The following MICAL2 variants were observed in gnomAD, a reference collection of about 807,000 sequenced individuals.
The protein encoded by MICAL2 is microtubule associated monooxygenase, calponin and LIM domain containing 2, also known as [F-actin]-monooxygenase MICAL2.
Under a neutral mutation model 127.3 loss-of-function variants are expected in MICAL2, and 77 were observed. That is an observed-to-expected ratio of 0.60 (90% CI 0.50 to 0.73). The LOEUF is 0.73. Among genes scored for constraint, MICAL2 ranks in the 30% least tolerant of loss-of-function variants. MICAL2 has a pLI of 0.00. For missense variants in MICAL2, 1,351 were observed against 1,434.4 expected, an observed-to-expected ratio of 0.94 and a Z score of 0.94; for synonymous variants, 570 against 551.1, an observed-to-expected ratio of 1.03 and a Z score of -0.48.
chr11:12,350,763 G>A (rs568271977), intron 33 of MICAL2, among the ~76,000 whole-genome samples: 1 of 152,284 alleles, frequency 6.6e-6, no homozygotes, highest in Non-Finnish European at 1.5e-5. Flanking sequence ...GCCCAGATTA[G>A]CTTGCTACCT....
intron 29 of MICAL2, among the ~76,000 whole-genome samples, chr11:12,299,034 T>C (rs1037844695): frequency 5.9e-5 from 9 of 152,256 alleles, no homozygotes; most frequent in Non-Finnish European, 1.2e-4. Context: ...AAATATATTT[T>C]CCTGGCTTGC....
chr11:12,321,215 T>A (rs943162183), intron 30 of MICAL2, among the ~76,000 whole-genome samples: 4 of 152,176 alleles, frequency 2.6e-5, no homozygotes, highest in African/African-American at 9.7e-5. Context: ...CCGCTTCACC[T>A]GGCTTCTGAC....
downstream of MICAL2, among the ~76,000 whole-genome samples, chr11:12,264,910 G>A (rs1164080729): frequency 1.3e-5 from 2 of 152,190 alleles, no homozygotes; most frequent in African/African-American, 4.8e-5. Flanking sequence ...CCTTAGAGAT[G>A]TGGCTCAGTA....
At chr11:12,226,994 C>CA in intron 14 of MICAL2, 31 bp from the exon 15 acceptor site, 1 of 1,559,658 alleles carries the variant, frequency 6.4e-7, no homozygotes, top group Non-Finnish European at 8.8e-7. Flanking sequence ...AGCCAGGTTC[C>CA]AAATCACAGT....
At chr11:12,278,953 A>C (rs971560219) in intron 1 of MICAL2, among the ~76,000 whole-genome samples, 21 of 152,288 alleles carry the variant, frequency 1.4e-4, no homozygotes, top group African/African-American at 5.1e-4. Flanking sequence ...GTGTTCTGGG[A>C]GGCAGGGCTG....
At chr11:12,328,927 G>A (rs1864383605) in intron 32 of MICAL2, among the ~76,000 whole-genome samples, 1 of 149,900 alleles carries the variant, frequency 6.7e-6, no homozygotes, top group East Asian at 2.0e-4. Flanking sequence ...CCAAGTAAGG[G>A]GTCCTGAGGT....
intron 29 of MICAL2, among the ~76,000 whole-genome samples, chr11:12,311,436 G>A (rs913325665): frequency 4.7e-5 from 7 of 148,006 alleles, no homozygotes; most frequent in Non-Finnish European, 7.4e-5. Flanking sequence ...TTTTGAGACA[G>A]AGTCTTGCTC....
chr11:12,119,476 C>T (rs1469746277), intron 1 of MICAL2, among the ~76,000 whole-genome samples: 1 of 152,194 alleles, frequency 6.6e-6, no homozygotes. Flanking sequence ...TTAAATTCAG[C>T]AGACAGTTGT....
At chr11:12,347,352 G>T (rs890478046) in intron 32 of MICAL2, among the ~76,000 whole-genome samples, 3 of 152,150 alleles carry the variant, frequency 2.0e-5, no homozygotes, top group Admixed American at 2.0e-4. Flanking sequence ...GATCCAAAGA[G>T]TATCTAATGA....
downstream of MICAL2, chr11:12,287,362 G>A (rs527605836): frequency 1.4e-4 from 51 of 374,796 alleles, no homozygotes; most frequent in African/African-American, 1.0e-3. Flanking sequence ...AGGGACTCAA[G>A]ATCTTCCCAT....
exon 33 of MICAL2, chr11:12,349,859 C>T: frequency 6.2e-7 from 1 of 1,614,088 alleles, no homozygotes; most frequent in Non-Finnish European, 8.5e-7. Context: ...CAGGATGAAG[C>T]ACAGCTTTTG....
At chr11:12,160,586 A>T (rs1410610208) in intron 2 of MICAL2, among the ~76,000 whole-genome samples, 6 of 152,118 alleles carry the variant, frequency 3.9e-5, no homozygotes, top group Non-Finnish European at 8.8e-5. Context: ...GGGTATTTCC[A>T]TGGCCTGGAA....
intron 22 of MICAL2, among the ~76,000 whole-genome samples, chr11:12,251,928 G>A (rs956028301): frequency 2.6e-5 from 4 of 152,220 alleles, no homozygotes; most frequent in Non-Finnish European, 5.9e-5. Context: ...GCTCCAAAAA[G>A]TATAGTCTCT....
At chr11:12,111,323 C>T (rs1336957826) in intron 1 of MICAL2, among the ~76,000 whole-genome samples, 2 of 152,222 alleles carry the variant, frequency 1.3e-5, no homozygotes, top group Non-Finnish European at 2.9e-5. Context: ...TGCATCGCGT[C>T]TCCCGCATCC....
intron 29 of MICAL2, among the ~76,000 whole-genome samples, chr11:12,307,868 A>G (rs1463806217): frequency 6.6e-6 from 1 of 152,132 alleles, no homozygotes; most frequent in Non-Finnish European, 1.5e-5. Context: ...TTGCAGCTTT[A>G]GAGTAAGCCT....
At chr11:12,287,195 C>T (rs1863836461) in exon 3 of MICAL2, 1 of 398,934 alleles carries the variant, frequency 2.5e-6, no homozygotes, top group Non-Finnish European at 4.4e-6. Flanking sequence ...GGGTGGGAGG[C>T]TGGGGCTGGG....
chr11:12,191,087 A>G (rs1859034649), intron 3 of MICAL2, among the ~76,000 whole-genome samples: 1 of 152,216 alleles, frequency 6.6e-6, no homozygotes. Context: ...GCCTCTGGGG[A>G]TACAGCTATG....
intron 3 of MICAL2, among the ~76,000 whole-genome samples, chr11:12,171,367 C>T (rs1856232111): frequency 6.6e-6 from 1 of 152,208 alleles, no homozygotes; most frequent in African/African-American, 2.4e-5. Context: ...GTTTAACGCT[C>T]TCCTTCCCAG....
At chr11:12,293,751 C>T, downstream of MICAL2, 1 of 1,613,990 alleles carries the variant, frequency 6.2e-7, no homozygotes, top group Non-Finnish European at 8.5e-7. Flanking sequence ...TCAGACCCTG[C>T]AGAGATGACT....
Sources: allele counts gnomAD v4.1 joint callset (sites outside exome capture counted in the v4.1 genomes callset), GRCh38; gene constraint gnomAD v4.1.1; transcripts MANE v1.5; gene names NCBI Gene and HGNC (gene_info 2026-07-23, HGNC 2026-07-21).